CLDN18: variants seen among roughly 807,000 people sequenced by gnomAD.
CLDN18 encodes the protein claudin-18.
CLDN18 carries 20 observed loss-of-function variants against 25.0 expected under a neutral mutation model. The observed-to-expected ratio is 0.80, with a 90% CI of 0.56 to 1.16. The LOEUF is 1.16. CLDN18 is among the 50% of genes most tolerant of loss of function. CLDN18 has a pLI of 0.00. For missense variants in CLDN18, 297 were observed against 345.4 expected (o/e 0.86, Z 1.11); for synonymous variants, 125 against 135.6 (o/e 0.92, Z 0.54).
rs1216653364 is a variant in CLDN18, at chr3:138,031,184, AGCTCACCC to A, written c.*44_*51del. 2.0e-6 allele frequency: 3 copies of A among 1,494,392 alleles called. No homozygotes were observed. The highest frequency in any genetic ancestry group is 2.0e-5 in the Admixed American group (1 of 49,598). The allele number at this position is 1,494,392 out of a possible 1,614,324, so 92.6% of individuals were successfully genotyped here. On this transcript the variant is annotated 3_prime_UTR_variant, in exon 5 of 5. Coordinates refer to ENST00000183605, the MANE Select transcript of CLDN18 (RefSeq NM_016369.4). ...GCACGGGCGGAAGAAACTCCCGGAG[AGCTCACCC>A]AAAAAACAAGGAGATCCCATCTAGA...
At chr3:138,000,256 G>A (rs976721871) in intron 1 of CLDN18, among the ~76,000 whole-genome samples, 1 of 152,168 alleles carries the variant, frequency 6.6e-6, no homozygotes, top group African/African-American at 2.4e-5. Context: ...GGGAGACAGA[G>A]GGCCAGTGTG....
intron 3 of CLDN18, among the ~76,000 whole-genome samples, chr3:138,025,779 C>G (rs1942320076): frequency 6.6e-6 from 1 of 152,180 alleles, no homozygotes; most frequent in Non-Finnish European, 1.5e-5. Context: ...TGGGAAACCC[C>G]TCTATCATGG....
intron 3 of CLDN18, among the ~76,000 whole-genome samples, chr3:138,027,849 T>C (rs73225488): frequency 0.13 from 19,367 of 152,072 alleles, 1,295 homozygotes; most frequent in African/African-American, 0.13. Flanking sequence ...GCTGTTCAGC[T>C]CCCAGCCACA....
intron 3 of CLDN18, among the ~76,000 whole-genome samples, chr3:138,026,991 G>A (rs1047981996): frequency 1.3e-5 from 2 of 152,154 alleles, no homozygotes; most frequent in Non-Finnish European, 2.9e-5. Context: ...CAGCCACAGG[G>A]GCCAGCAGGT....
At chr3:138,006,424 C>T (rs546580479), upstream of CLDN18, among the ~76,000 whole-genome samples, 1 of 152,276 alleles carries the variant, frequency 6.6e-6, no homozygotes, top group East Asian at 1.9e-4. Context: ...CCTGAAATGA[C>T]ACTGCCAGGG....
chr3:138,009,567 T>C (rs548434647), upstream of CLDN18, among the ~76,000 whole-genome samples: 6 of 152,278 alleles, frequency 3.9e-5, no homozygotes, highest in African/African-American at 1.2e-4. Flanking sequence ...GACTGGAAGC[T>C]GAGGTGGGAG....
intron 1 of CLDN18, among the ~76,000 whole-genome samples, chr3:138,004,037 G>T (rs1942043302): frequency 6.6e-6 from 1 of 152,072 alleles, no homozygotes; most frequent in African/African-American, 2.4e-5. Flanking sequence ...AGCCAGGTGT[G>T]GTGGTGCACG....
chr3:138,009,686 C>T (rs1015491983), upstream of CLDN18, among the ~76,000 whole-genome samples: 1 of 152,164 alleles, frequency 6.6e-6, no homozygotes, highest in Non-Finnish European at 1.5e-5. Flanking sequence ...GATAATAGTG[C>T]CTGCCCTACC....
At chr3:138,028,504 CAG>C (rs2107889952) in intron 3 of CLDN18, among the ~76,000 whole-genome samples, 1 of 152,310 alleles carries the variant, frequency 6.6e-6, no homozygotes, top group Admixed American at 6.5e-5. Flanking sequence ...TAGTAATTCA[CAG>C]AGTTCTACAA....
upstream of CLDN18, among the ~76,000 whole-genome samples, chr3:138,008,182 A>G (rs912903967): frequency 7.2e-6 from 1 of 138,402 alleles, no homozygotes; most frequent in East Asian, 2.4e-4. Flanking sequence ...AGAACCTGTA[A>G]AGACCTATAA....
At chr3:138,021,887 C>A (rs952696071) in intron 1 of CLDN18, among the ~76,000 whole-genome samples, 10 of 152,288 alleles carry the variant, frequency 6.6e-5, no homozygotes, top group Non-Finnish European at 1.5e-4. Context: ...ATGAAACCAT[C>A]TTCCATAAGT....
upstream of CLDN18, among the ~76,000 whole-genome samples, chr3:138,006,996 A>C (rs1292775233): frequency 1.3e-5 from 2 of 152,220 alleles, no homozygotes; most frequent in Non-Finnish European, 2.9e-5. Flanking sequence ...GAATTGCCAT[A>C]GATGAAAAAT....
At chr3:138,012,787 C>G (rs750915797) in intron 1 of CLDN18, among the ~76,000 whole-genome samples, 2 of 152,200 alleles carry the variant, frequency 1.3e-5, no homozygotes, top group African/African-American at 4.8e-5. Context: ...GCAGAGGGGA[C>G]AGGCATGTGT....
intron 1 of CLDN18, chr3:137,999,151 T>C: frequency 6.9e-7 from 1 of 1,442,472 alleles, no homozygotes; most frequent in Non-Finnish European, 9.7e-7. Context: ...AACTGCAGGC[T>C]CTGTCTGGGC....
intron 1 of CLDN18, among the ~76,000 whole-genome samples, chr3:138,016,031 C>A (rs1942199336): frequency 6.6e-6 from 1 of 152,160 alleles, no homozygotes; most frequent in African/African-American, 2.4e-5. Context: ...TCTACACAGT[C>A]AATACAGCAT....
chr3:138,010,065 A>G, upstream of CLDN18: 1 of 1,194,628 alleles, frequency 8.4e-7, no homozygotes, highest in Non-Finnish European at 1.1e-6. Flanking sequence ...TTGAACCAGG[A>G]GCGAAACTGA....
rs540806189 is a variant in CLDN18, at chr3:138,029,173, T to C, written c.504-624T>C. 2.0e-5 allele frequency among the ~76,000 whole-genome samples: 3 copies of C among 151,896 alleles called. No homozygotes were observed. In the East Asian group the frequency reaches 5.8e-4, roughly 29 times the overall value. On this transcript the variant is annotated intron_variant, in intron 3 of 4. Coordinates refer to ENST00000183605, the MANE Select transcript of CLDN18 (RefSeq NM_016369.4). ...TTGAGATTGATTTTTTTTTTCAGAGTCTCGCTCTGTTGCCCAGGCTAGAGT... is the reference window on the plus strand; with the variant it reads ...TTGAGATTGATTTTTTTTTTCAGAGCCTCGCTCTGTTGCCCAGGCTAGAGT...
Position 138,010,396 on chromosome 3 carries a change from T to C in CLDN18, c.171T>C (p.Ser57=), listed in dbSNP as rs1044710640. Residue 57 remains serine (S), a synonymous_variant, in exon 1 of 5, where the codon AGT becomes AGC. Coordinates refer to ENST00000183605, the MANE Select transcript of CLDN18 (RefSeq NM_016369.4). ...EGLWRSCVRQ[S]SGFTECRPYF... ...TCTGGAGGAGCTGCGTGAGGCAGAG[T>C]TCAGGCTTCACCGAATGCAGGCCCT... 6.2e-7 allele frequency: 1 copy of C among 1,614,024 alleles called. No individual in the cohort carries two copies. Among genetic ancestry groups the C allele is most frequent in the Non-Finnish European group, 8.5e-7 (1 of 1,179,988 alleles).
At chr3:137,999,439 G>A (rs542645571) in intron 1 of CLDN18, among the ~76,000 whole-genome samples, 8 of 152,282 alleles carry the variant, frequency 5.3e-5, no homozygotes, top group South Asian at 4.1e-4. Context: ...CTTCGGCCCC[G>A]GGATTCCCCC....
Sources: gnomAD v4.1 joint callset for allele counts (sites outside exome capture counted in the v4.1 genomes callset) on GRCh38, gnomAD v4.1.1 for gene constraint, MANE v1.5 for transcripts, NCBI Gene and HGNC (gene_info 2026-07-23, HGNC 2026-07-21) for gene names.